GLRA1: variants seen among roughly 807,000 people sequenced by gnomAD.
GLRA1 encodes the protein glycine receptor alpha 1.
Under a neutral mutation model 48.3 loss-of-function variants are expected in GLRA1, and 37 were observed. The observed-to-expected ratio is 0.77, with a 90% CI of 0.59 to 1.01. GLRA1 has a LOEUF of 1.01. Ranked by LOEUF, GLRA1 falls within the 50% of genes least tolerant of loss-of-function variation. The probability of loss-of-function intolerance (pLI) is 0.00; values close to 1 mark genes in which losing one functional copy is unlikely to be tolerated. For synonymous variants in GLRA1, 196 were observed against 210.7 expected (o/e 0.93, Z 0.60); for missense variants, 427 against 571.0 (o/e 0.75, Z 2.57).
intron 7 of GLRA1, 76 bp from the exon 8 acceptor site, chr5:151,829,143 C>G (rs1049492901): frequency 5.5e-6 from 8 of 1,465,060 alleles, no homozygotes; most frequent in Admixed American, 1.7e-5. Flanking sequence ...GGAATATTTT[C>G]TGCTCTTCGG....
At chr5:151,861,144 G>C (rs1388732773) in intron 3 of GLRA1, among the ~76,000 whole-genome samples, 2 of 152,156 alleles carry the variant, frequency 1.3e-5, no homozygotes, top group African/African-American at 4.8e-5. Flanking sequence ...CATTTGGGTT[G>C]GTTCCAAGTC....
At chr5:151,884,456 C>CAAAACAAAACAAAAAAAA (rs1561571172) in intron 3 of GLRA1, among the ~76,000 whole-genome samples, 21 of 45,358 alleles carry the variant, frequency 4.6e-4, no homozygotes, top group African/African-American at 1.4e-3. Context: ...AACAAAAAAA[C>CAAAACAAAACAAAAAAAA]CCATTTTTTC....
chr5:151,903,091 G>A (rs964474346), intron 1 of GLRA1, among the ~76,000 whole-genome samples: 1 of 152,158 alleles, frequency 6.6e-6, no homozygotes, highest in Non-Finnish European at 1.5e-5. Context: ...AAGCCAAGCT[G>A]CAATGGACCC....
chr5:151,889,687 G>C (rs1754009947), intron 2 of GLRA1, among the ~76,000 whole-genome samples: 1 of 152,114 alleles, frequency 6.6e-6, no homozygotes, highest in South Asian at 2.1e-4. Flanking sequence ...TCATGTTGGA[G>C]TCATAGGGGC....
At chr5:151,838,594 TAAAGAA>T (rs1763633479) in intron 7 of GLRA1, among the ~76,000 whole-genome samples, 1 of 151,968 alleles carries the variant, frequency 6.6e-6, no homozygotes, top group Admixed American at 6.6e-5. Flanking sequence ...TCAGGAAACT[TAAAGAA>T]GAATCAGTGA....
intron 7 of GLRA1, among the ~76,000 whole-genome samples, chr5:151,833,356 A>C (rs189507576): frequency 1.1e-3 from 175 of 152,362 alleles, no homozygotes; most frequent in African/African-American, 4.0e-3. Flanking sequence ...CAGACTGGCA[A>C]ATTGGATAAA....
At position 151,895,258 on chromosome 5, in the gene GLRA1, T is replaced by C. The variant is rs547155248; in HGVS notation, c.57-2820A>G. On this transcript the variant is annotated intron_variant, in intron 1 of 8. Coordinates refer to ENST00000274576, the MANE Select transcript of GLRA1 (RefSeq NM_000171.4). ...GCATTTTGTGTGTGTATATGTGAGA[T>C]GTGTGTGTATGTGAGCTGTATATAT... Among the ~76,000 whole-genome samples, 6 of 152,280 alleles carry C rather than the reference T, an allele frequency of 3.9e-5. No individual in the cohort carries two copies. In the South Asian group the frequency reaches 1.2e-3, roughly 32 times the overall value.
intron 7 of GLRA1, among the ~76,000 whole-genome samples, chr5:151,841,191 A>G (rs1014762786): frequency 4.6e-5 from 7 of 152,184 alleles, no homozygotes; most frequent in African/African-American, 1.4e-4. Context: ...TCTGATTTCA[A>G]TGGAATATTA....
chr5:151,839,663 G>GGTTAGC (rs1763665316), intron 7 of GLRA1, among the ~76,000 whole-genome samples: 1 of 152,080 alleles, frequency 6.6e-6, no homozygotes, highest in Non-Finnish European at 1.5e-5. Context: ...TTAGGGTTAG[G>GGTTAGC]GTTAGATCTT....
intron 3 of GLRA1, among the ~76,000 whole-genome samples, chr5:151,874,820 G>A (rs1319728910): frequency 6.6e-6 from 1 of 152,156 alleles, no homozygotes; most frequent in Admixed American, 6.5e-5. Flanking sequence ...GGAACAGAAT[G>A]TGGTAAGAAC....
rs1276065174 is a variant in GLRA1 at position 151,849,260 on chromosome 5, T to TTC, written c.912+2128_912+2129dup. Reference sequence around the variant, plus strand: ...TTCCTTCCTTCCTTCCCTTCTTTCTTTCTCTCTCTCTCTCTTCCTTTCTTT... The same window carrying TTC: ...TTCCTTCCTTCCTTCCCTTCTTTCTTTCTCTCTCTCTCTCTCTTCCTTTCTTT... On this transcript the variant is annotated intron_variant, in intron 7 of 8. Transcript: ENST00000274576. Among the ~76,000 whole-genome samples the TTC allele has an allele frequency of 1.0e-3, 82 of 79,710 alleles. 1 individual carries two copies. The highest frequency in any genetic ancestry group is 2.8e-3 in the African/African-American group (63 of 22,320). The allele number at this position is 79,710 out of a possible 152,430, so 52.3% of individuals were successfully genotyped here.
chr5:151,862,869 G>A (rs73285957), intron 3 of GLRA1, among the ~76,000 whole-genome samples: 3,054 of 152,260 alleles, frequency 0.02, 98 homozygotes, highest in African/African-American at 0.064. Flanking sequence ...TAGATAAAGA[G>A]ACTGAAGTCC....
chr5:151,835,315 A>G (rs145746375), intron 7 of GLRA1, among the ~76,000 whole-genome samples: 1,696 of 152,268 alleles, frequency 0.011, 36 homozygotes, highest in African/African-American at 0.039. Context: ...CAGGACCAGA[A>G]GGATTCACAG....
intron 1 of GLRA1, among the ~76,000 whole-genome samples, chr5:151,912,523 A>T (rs1187962621): frequency 6.6e-6 from 1 of 152,168 alleles, no homozygotes; most frequent in African/African-American, 2.4e-5. Flanking sequence ...TCACTGCAAC[A>T]GCTACGGAGC....
rs1256112930 is a variant in GLRA1 at position 151,855,500 on chromosome 5, C to A, written c.560-323G>T. Among the ~76,000 whole-genome samples the A allele has an allele frequency of 2.0e-5, 3 of 152,232 alleles. No individual in the cohort carries two copies. The East Asian group carries it at 5.8e-4, about 29-fold the overall frequency. ...TGCCAGCCTCCTCTTTTGCTCACAG[C>A]AGATACTCCTCTGTGGAACAACTCT... On this transcript the variant is annotated intron_variant, in intron 5 of 8. Transcript: ENST00000274576.
chr5:151,826,787 A>G (rs977981282), intron 8 of GLRA1, among the ~76,000 whole-genome samples: 2 of 152,160 alleles, frequency 1.3e-5, no homozygotes, highest in African/African-American at 2.4e-5. Context: ...CCACCATACT[A>G]CATATCTTCA....
intron 6 of GLRA1, among the ~76,000 whole-genome samples, 184 bp downstream of exon 6, chr5:151,854,850 CAAGCTT>C (rs1428403920): frequency 6.6e-6 from 1 of 152,150 alleles, no homozygotes; most frequent in African/African-American, 2.4e-5. Context: ...AGGTATGGCC[CAAGCTT>C]AAGTTACTCA....
chr5:151,823,057 A>G (rs963330260), intron 8 of GLRA1, 94 bp from the exon 9 acceptor site: 18 of 1,133,156 alleles, frequency 1.6e-5, no homozygotes, highest in Middle Eastern at 2.4e-4. Context: ...GGCCATGCCT[A>G]TCTGGTTCTC....
chr5:151,850,022 C>T lies in GLRA1; in HGVS notation c.912+1368G>A. On this transcript the variant is annotated intron_variant, in intron 7 of 8. Transcript: ENST00000274576. ...CCTGCAGTGACCAATTTGAGGCACA[C>T]TTGTAAGTGGATAATGGACATGGTG... is the stretch of plus-strand genomic sequence containing the variant. 5 of 1,603,496 alleles carry T rather than the reference C, an allele frequency of 3.1e-6. No homozygotes were observed. The South Asian group carries it at 5.5e-5, about 18-fold the overall frequency.
Sources: gnomAD v4.1 joint callset for allele counts (sites outside exome capture counted in the v4.1 genomes callset) on GRCh38, gnomAD v4.1.1 for gene constraint, MANE v1.5 for transcripts, NCBI Gene and HGNC (gene_info 2026-07-23, HGNC 2026-07-21) for gene names.